Variants in DNMBP observed in about 807,000 individuals in gnomAD.
DNMBP encodes dynamin-binding protein.
A neutral mutation model predicts 150.0 loss-of-function variants in DNMBP; 87 were observed. That is an observed-to-expected ratio of 0.58 (90% CI 0.49 to 0.69). The LOEUF (loss-of-function observed/expected upper bound fraction) is 0.69, where lower values mean the gene tolerates loss of function less well. Among genes scored for constraint, DNMBP ranks in the 30% least tolerant of loss-of-function variants. The pLI, the probability that DNMBP is intolerant of heterozygous loss-of-function variation, is 0.00. For synonymous variants in DNMBP, 711 were observed against 750.4 expected (o/e 0.95, Z 0.86); for missense variants, 1,774 against 1,949.0 (o/e 0.91, Z 1.69).
intron 1 of DNMBP, among the ~76,000 whole-genome samples, chr10:99,975,021 G>C (rs149250718): frequency 2.0e-5 from 3 of 152,172 alleles, no homozygotes; most frequent in African/African-American, 2.4e-5. Context: ...GCCTCCCAAA[G>C]TGCCAGGGGG....
chr10:99,914,218 CAACA>C lies in DNMBP; in HGVS notation c.2261-5076_2261-5073del, dbSNP rs1461576407. ...CCAGCGGGCCCAGCAGTACCTGGATCAACACCTTCCTTTCTATTTGGTGTTCTTT... is the reference window on the plus strand; with the variant it reads ...CCAGCGGGCCCAGCAGTACCTGGATCCCTTCCTTTCTATTTGGTGTTCTTT... On this transcript the variant is annotated intron_variant, in intron 4 of 16. Transcript: ENST00000324109. The C allele has an allele frequency of 8.5e-6, 7 of 820,758 alleles. No homozygotes were observed. The African/African-American group carries it at 1.2e-4, about 15-fold the overall frequency. 50.8% of individuals were successfully genotyped at this position (820,758 alleles called of 1,614,324 possible).
chr10:99,878,869 G>A (rs1056372345), intron 16 of DNMBP, among the ~76,000 whole-genome samples: 6 of 152,118 alleles, frequency 3.9e-5, no homozygotes, highest in Non-Finnish European at 8.8e-5. Context: ...GCTCACGCCT[G>A]TAATCCCAGC....
chr10:99,993,078 A>C lies in DNMBP; in HGVS notation c.-11+16760T>G, dbSNP rs577760394. Among the ~76,000 whole-genome samples, 65 of 152,298 alleles carry C rather than the reference A, an allele frequency of 4.3e-4. 2 individuals are homozygous for C. The highest frequency in any genetic ancestry group is 1.6e-3 in the African/African-American group (65 of 41,568). On this transcript the variant is annotated intron_variant, in intron 1 of 16. Coordinates refer to ENST00000324109, the MANE Select transcript of DNMBP (RefSeq NM_015221.4). ...ATAAAGATTCAACATAAAAATAAAA[A>C]TAAAACCTGCTCATAGGGTTGTAAT...
rs183760043 is a variant in DNMBP, at chr10:99,955,366, C to G, written c.2108G>C (p.Arg703Pro). 1 of 1,614,152 alleles carries G rather than the reference C, an allele frequency of 6.2e-7. No individual in the cohort carries two copies. Among genetic ancestry groups the G allele is most frequent in the Non-Finnish European group, 8.5e-7 (1 of 1,180,038 alleles). The change falls in exon 4 of 17, where the codon CGG (arginine) becomes CCG (proline). Residue 703 changes from arginine (R) to proline (P), a missense_variant. Arg to Pro is a moderately radical substitution (Grantham distance 103). Around this residue, in one of 2 missense-constraint regions of DNMBP, gnomAD observed 1,430 missense variants for 1,492.5 expected, o/e 0.96. Transcript: ENST00000324109. ...LVLVRIEEME[R>P]DLDMYSRAQE... Reference sequence around the variant, plus strand: ...AGCTCTACTGTACATATCCAAGTCCCGCTCCATTTCCTCAATCCTCACCAG... The same window carrying G: ...AGCTCTACTGTACATATCCAAGTCCGGCTCCATTTCCTCAATCCTCACCAG...
In DNMBP at chr10:99,888,844, T is replaced by G. The variant is rs1031009202; in HGVS notation, c.3266A>C (p.Asp1089Ala). ...QFERVHRYIS[D>A]QLFTNFKERT... ...ACTTACAAAGTTTGTGAAGAGCTGGTCACTGATGTAGCGATGCACCCTCTC... is the reference window on the plus strand; with the variant it reads ...ACTTACAAAGTTTGTGAAGAGCTGGGCACTGATGTAGCGATGCACCCTCTC... The change falls in exon 12 of 17, where the codon GAC (aspartate) becomes GCC (alanine). Residue 1089 changes from aspartate (D) to alanine (A), a missense_variant. Asp to Ala is a moderately radical substitution (Grantham distance 126, BLOSUM62 -2). Transcript: ENST00000324109. 6.2e-7 allele frequency: 1 copy of G among 1,614,126 alleles called. No individual in the cohort carries two copies.
chr10:99,885,765 C>T lies in DNMBP; in HGVS notation c.3720G>A (p.Glu1240=). The change falls in exon 14 of 17, where the codon GAG becomes GAA. Residue 1240 remains glutamate (E), a synonymous_variant. Transcript: ENST00000324109. ...QQLQVFTFFP[E]SLPATKKPFE... ...ATGGCTTCTTGGTAGCTGGAAGAGA[C>T]TCCGGGAAGAAGGTAAAAACCTGGA... The T allele has an allele frequency of 1.2e-6, 2 of 1,607,776 alleles. No homozygotes were observed. Among genetic ancestry groups the T allele is most frequent in the East Asian group, 2.2e-5 (1 of 44,830 alleles).
chr10:99,936,522 T>C (rs1404806083), intron 4 of DNMBP, among the ~76,000 whole-genome samples: 6 of 147,420 alleles, frequency 4.1e-5, no homozygotes, highest in Admixed American at 2.7e-4. Flanking sequence ...TTTCTTTTTT[T>C]TTTTTTTTTT....
chr10:99,894,883 G>T, intron 11 of DNMBP, 63 bp downstream of exon 11: 2 of 1,266,794 alleles, frequency 1.6e-6, no homozygotes, highest in South Asian at 1.2e-5. Context: ...TATGACTGAT[G>T]AACAGGAAAG....
At chr10:99,913,238 T>G (rs2039922862) in intron 4 of DNMBP, among the ~76,000 whole-genome samples, 1 of 152,124 alleles carries the variant, frequency 6.6e-6, no homozygotes, top group African/African-American at 2.4e-5. Flanking sequence ...ACTTCCCCAC[T>G]ATGTAGCTGG....
chr10:99,944,177 A>C lies in DNMBP; in HGVS notation c.2260+11037T>G, dbSNP rs139238342. Among the ~76,000 whole-genome samples, 996 of 152,326 alleles carry C rather than the reference A, an allele frequency of 6.5e-3. 11 individuals are homozygous for C. The highest frequency in any genetic ancestry group is 0.023 in the African/African-American group (953 of 41,570). On this transcript the variant is annotated intron_variant, in intron 4 of 16. Transcript: ENST00000324109. Reference sequence around the variant, plus strand: ...ATTCCAAGGCAGCAGGAAAGAGCATAATTAGCTGTAGAGGTCAATATCAAT... The same window carrying C: ...ATTCCAAGGCAGCAGGAAAGAGCATCATTAGCTGTAGAGGTCAATATCAAT...
chr10:99,888,829 T>C lies in DNMBP; in HGVS notation c.3281A>G (p.Asn1094Ser). Residue 1094 changes from asparagine (N) to serine (S), a missense_variant, in exon 12 of 17, where the codon AAC becomes AGC. Asn to Ser is a conservative substitution (Grantham distance 46). This residue lies in a region of DNMBP where 1,430 missense variants were observed against 1,492.5 expected (regional missense o/e 0.96). Transcript: ENST00000324109. ...HRYISDQLFT[N>S]FKERTERLVI... ...TTTGAAGAAAAAGTTACTTACAAAG[T>C]TTGTGAAGAGCTGGTCACTGATGTA... 1 of 1,613,880 alleles carries C rather than the reference T, an allele frequency of 6.2e-7. No individual in the cohort carries two copies.
intron 6 of DNMBP, among the ~76,000 whole-genome samples, chr10:99,905,701 C>T (rs561217615): frequency 2.0e-5 from 3 of 152,210 alleles, no homozygotes; most frequent in East Asian, 1.9e-4. Context: ...ACATGTGTGG[C>T]GGCTCGTGCC....
chr10:99,956,004 G>T lies in DNMBP; in HGVS notation c.1470C>A (p.Val490=). 1 of 1,614,168 alleles carries T rather than the reference G, an allele frequency of 6.2e-7. No homozygotes were observed. The highest frequency in any genetic ancestry group is 8.5e-7 in the Non-Finnish European group (1 of 1,180,034). ...GCTGAGGACTTGATTGTCTGGGTTTGACTACCCTTGAAGCTGAAACAGAAG... is the reference window on the plus strand; with the variant it reads ...GCTGAGGACTTGATTGTCTGGGTTTTACTACCCTTGAAGCTGAAACAGAAG... ...RGSSVSASRV[V]KPRQSSPQLH... Residue 490 remains valine (V), a synonymous_variant, in exon 4 of 17, where the codon GTC becomes GTA. Coordinates refer to ENST00000324109, the MANE Select transcript of DNMBP (RefSeq NM_015221.4).
chr10:99,990,718 TACAC>T (rs2040877806), intron 1 of DNMBP, among the ~76,000 whole-genome samples: 1 of 150,732 alleles, frequency 6.6e-6, no homozygotes, highest in African/African-American at 2.4e-5. Flanking sequence ...TACACACATA[TACAC>T]ACAAATATAC....
rs758282292 is a variant in DNMBP, at chr10:99,879,920, G to A, written c.4439C>T (p.Pro1480Leu). The change falls in exon 16 of 17, where the codon CCA (proline) becomes CTA (leucine). Residue 1480 changes from proline to leucine, a missense_variant. Transcript: ENST00000324109. ...GTCTTGACTTTGCCCATTTCGTCCTGGTACGGAGTAGCCAACTATTTCTGG... is the reference window on the plus strand; with the variant it reads ...GTCTTGACTTTGCCCATTTCGTCCTAGTACGGAGTAGCCAACTATTTCTGG... ...RHPEIVGYSV[P>L]GRNGQSQDLV... The A allele has an allele frequency of 6.2e-7, 1 of 1,614,106 alleles. No homozygotes were observed. Among genetic ancestry groups the A allele is most frequent in the East Asian group, 2.2e-5 (1 of 44,904 alleles).
intron 11 of DNMBP, 96 bp from the exon 12 acceptor site, chr10:99,889,049 GT>G (rs2039517765): frequency 7.0e-7 from 1 of 1,423,496 alleles, no homozygotes; most frequent in Non-Finnish European, 9.4e-7. Context: ...GGAAAAATGA[GT>G]TCCATAATTT....
intron 1 of DNMBP, among the ~76,000 whole-genome samples, chr10:99,992,879 C>T (rs949983765): frequency 1.3e-5 from 2 of 151,800 alleles, no homozygotes; most frequent in Non-Finnish European, 2.9e-5. Context: ...CTGGTCTCTA[C>T]AAAAAATACA....
chr10:99,938,876 C>T (rs145581763), intron 4 of DNMBP, among the ~76,000 whole-genome samples: 5 of 152,098 alleles, frequency 3.3e-5, no homozygotes, highest in Admixed American at 3.3e-4. Flanking sequence ...CCTTCAGCAC[C>T]CCCTCTCACT....
intron 1 of DNMBP, among the ~76,000 whole-genome samples, chr10:100,008,756 G>T (rs1430779152): frequency 1.3e-5 from 2 of 152,126 alleles, no homozygotes; most frequent in African/African-American, 4.8e-5. Flanking sequence ...AAACTAACTT[G>T]CTGATCACCG....
Sources: gnomAD v4.1 joint callset for allele counts (sites outside exome capture counted in the v4.1 genomes callset) on GRCh38, gnomAD v4.1.1 for gene constraint, gnomAD v4.1.1 regional missense constraint, MANE v1.5 for transcripts, NCBI Gene and HGNC (gene_info 2026-07-23, HGNC 2026-07-21) for gene names.